The following DMD variants were observed in gnomAD, a reference collection of about 807,000 sequenced individuals.
The protein encoded by DMD is mutant dystrophin.
A neutral mutation model predicts 330.1 loss-of-function variants in DMD; 63 were observed. The observed-to-expected ratio is 0.19, with a 90% CI of 0.16 to 0.24. The LOEUF (loss-of-function observed/expected upper bound fraction) is 0.24. Ranked by LOEUF, DMD falls within the 10% of genes least tolerant of loss-of-function variation. The pLI, the probability that DMD is intolerant of heterozygous loss-of-function variation, is 1.00. For missense variants in DMD, 3,344 were observed against 2,684.1 expected (o/e 1.25, Z -5.43); for synonymous variants, 1,223 against 959.8 (o/e 1.27, Z -5.07).
intron 52 of DMD, among the ~76,000 whole-genome samples, chrX:31,728,008 A>G (rs1003777034): frequency 3.6e-5 from 4 of 112,632 alleles, no homozygotes; most frequent in African/African-American, 1.3e-4. Flanking sequence ...AGACATTTAC[A>G]AATTCCAAGC....
chrX:33,291,061 G>A (rs189616248), intron 1 of DMD, among the ~76,000 whole-genome samples: 15 of 111,038 alleles, frequency 1.4e-4, no homozygotes, highest in African/African-American at 1.6e-4. Context: ...TACCCACCAC[G>A]ATTAAGTCGA....
At chrX:32,959,023 A>G (rs1401403514) in intron 2 of DMD, among the ~76,000 whole-genome samples, 7 of 111,899 alleles carry the variant, frequency 6.3e-5, no homozygotes. Flanking sequence ...AATGAACTAT[A>G]CAATATTTAT....
At chrX:31,833,336 G>GGGAGGGAA (rs1193628150) in intron 49 of DMD, among the ~76,000 whole-genome samples, 1 of 37,785 alleles carries the variant, frequency 2.6e-5, no homozygotes, top group African/African-American at 1.2e-4. Flanking sequence ...GAGAGAGGGA[G>GGGAGGGAA]AGAGTGGAGA....
intron 1 of DMD, among the ~76,000 whole-genome samples, chrX:33,130,624 G>A (rs2095493545): frequency 9.2e-6 from 1 of 108,685 alleles, no homozygotes; most frequent in Admixed American, 9.9e-5. Context: ...GCGTGATCTC[G>A]GCTCACCGCA....
At chrX:31,177,671 C>T (rs2040664058) in intron 71 of DMD, among the ~76,000 whole-genome samples, 1 of 109,932 alleles carries the variant, frequency 9.1e-6, no homozygotes, top group African/African-American at 3.3e-5. Context: ...AATTTGAATT[C>T]AAGCCAGGAT....
At chrX:32,627,838 G>T (rs754444105) in intron 11 of DMD, among the ~76,000 whole-genome samples, 3 of 110,840 alleles carry the variant, frequency 2.7e-5, no homozygotes, top group Non-Finnish European at 3.8e-5. Context: ...TTACTCTTGA[G>T]ACAATTGTTC....
At chrX:31,550,376 T>C (rs764171219) in intron 55 of DMD, among the ~76,000 whole-genome samples, 66 of 112,153 alleles carry the variant, frequency 5.9e-4, no homozygotes, top group Non-Finnish European at 6.8e-4. Context: ...TGGAATAAAA[T>C]AGTCAGCAAC....
chrX:32,810,307 T>C (rs918585144), intron 6 of DMD, among the ~76,000 whole-genome samples: 2 of 111,975 alleles, frequency 1.8e-5, no homozygotes, highest in East Asian at 2.8e-4. Context: ...AGCCATTTAC[T>C]GGTAATGCCC....
rs1406244539 is a variant in DMD at position 32,504,994 on chromosome X, C to A, written c.2293-3152G>T. 4.5e-5 allele frequency among the ~76,000 whole-genome samples: 5 copies of A among 112,013 alleles called. No homozygotes were observed. In the Admixed American group the frequency reaches 4.7e-4, roughly 11 times the overall value. On this transcript the variant is annotated intron_variant, in intron 18 of 78. Transcript: ENST00000357033. ...ACTGCTTGAAAGTAATTGTGGTGTT[C>A]ATATAATTCATAAAGTTAATTAATA... is the stretch of plus-strand genomic sequence containing the variant.
intron 64 of DMD, among the ~76,000 whole-genome samples, chrX:31,212,045 A>C (rs2044730142): frequency 9.1e-6 from 1 of 110,071 alleles, no homozygotes; most frequent in African/African-American, 3.3e-5. Flanking sequence ...TGAAACATTA[A>C]ATGTAATGAT....
intron 7 of DMD, among the ~76,000 whole-genome samples, chrX:32,739,325 A>T (rs753679727): frequency 1.8e-5 from 2 of 111,786 alleles, no homozygotes; most frequent in South Asian, 7.4e-4. Context: ...CAAGTCTTTT[A>T]CCCTAATGTG....
chrX:33,232,176 G>C (rs1276165046), intron 1 of DMD, among the ~76,000 whole-genome samples: 1 of 111,966 alleles, frequency 8.9e-6, no homozygotes, highest in Non-Finnish European at 1.9e-5. Flanking sequence ...CAGTAGATCT[G>C]CCTTGCAAGA....
At chrX:33,086,049 A>G (rs761898235) in intron 1 of DMD, 1 of 112,310 alleles carries the variant, frequency 8.9e-6, no homozygotes, top group African/African-American at 3.2e-5. Flanking sequence ...CACAAGCCAG[A>G]ATTGAGTAGA....
intron 2 of DMD, among the ~76,000 whole-genome samples, chrX:32,930,147 CA>C (rs982604258): frequency 2.5e-4 from 28 of 111,127 alleles, no homozygotes; most frequent in Admixed American, 1.9e-4. Flanking sequence ...TCATAAAACA[CA>C]AAGCCTATTT....
chrX:33,239,708 C>G (rs1268112973), intron 1 of DMD, among the ~76,000 whole-genome samples: 1 of 111,516 alleles, frequency 9.0e-6, no homozygotes, highest in Non-Finnish European at 1.9e-5. Context: ...ATGGTTAAAT[C>G]TAGCTAATTA....
chrX:31,807,608 T>G (rs931785095), intron 50 of DMD, among the ~76,000 whole-genome samples: 3 of 112,043 alleles, frequency 2.7e-5, no homozygotes, highest in African/African-American at 9.7e-5. Context: ...ACCACTTCCG[T>G]AACTCTGAGG....
chrX:31,945,634 A>T (rs1170614628), intron 45 of DMD, among the ~76,000 whole-genome samples: 1 of 112,333 alleles, frequency 8.9e-6, no homozygotes, highest in Non-Finnish European at 1.9e-5. Flanking sequence ...TGACATCAAC[A>T]TTAAACCACT....
At chrX:32,437,323 T>C (rs145434818) in intron 29 of DMD, among the ~76,000 whole-genome samples, 147 of 111,964 alleles carry the variant, frequency 1.3e-3, no homozygotes, top group African/African-American at 4.5e-3. Context: ...CCTCACATAC[T>C]TCTCTTCAGA....
intron 11 of DMD, 96 bp from the exon 12 acceptor site, chrX:32,614,549 G>A: frequency 2.6e-6 from 2 of 776,030 alleles, no homozygotes; most frequent in Admixed American, 5.5e-5. Context: ...TATATGGAAT[G>A]TTCGCATTTG....
Sources: allele counts gnomAD v4.1 joint callset (sites outside exome capture counted in the v4.1 genomes callset), GRCh38; gene constraint gnomAD v4.1.1; transcripts MANE v1.5; gene names NCBI Gene and HGNC (gene_info 2026-07-23, HGNC 2026-07-21).